Variants in SCAF8 observed in about 807,000 individuals in gnomAD.
The protein encoded by SCAF8 is SR-related CTD associated factor 8.
Under a neutral mutation model 140.5 loss-of-function variants are expected in SCAF8, and 23 were observed. The ratio of observed to expected loss-of-function variants is 0.16; its 90% CI spans 0.12 to 0.23. The LOEUF is 0.23. Ranked by LOEUF, SCAF8 falls within the 10% of genes least tolerant of loss-of-function variation. The probability of loss-of-function intolerance (pLI) is 1.00; values close to 1 mark genes in which losing one functional copy is unlikely to be tolerated. For missense variants in SCAF8, 1,397 were observed against 1,555.7 expected (o/e 0.90, Z 1.72); for synonymous variants, 575 against 528.9 (o/e 1.09, Z -1.20).
intron 2 of SCAF8, among the ~76,000 whole-genome samples, 194 bp from the exon 3 acceptor site, chr6:154,777,807 G>T (rs1776960667): frequency 6.6e-6 from 1 of 152,160 alleles, no homozygotes. Flanking sequence ...ATCTACTTTA[G>T]AGAAGCCCTT....
At position 154,805,490 on chromosome 6, in the gene SCAF8, T is replaced by G; in HGVS notation, c.981+4T>G. On this transcript the variant is annotated splice_donor_region_variant and intron_variant, in intron 9 of 19. Transcript: ENST00000367178. ...GGAGCAGCAACAGCCTCAAAAGGTT[T>G]ATAACCCCATCTTGTGGTCTTTAGA... 5 of 1,537,282 alleles carry G rather than the reference T, an allele frequency of 3.3e-6. No individual in the cohort carries two copies. The highest frequency in any genetic ancestry group is 4.5e-6 in the Non-Finnish European group (5 of 1,114,662).
Position 154,767,657 on chromosome 6 carries a change from A to T in SCAF8, c.31-6332A>T, listed in dbSNP as rs192767345. ...TGGGCTCAAGTGATCCTCACACCTC[A>T]GCCTGTAGTTGGGACTACAGGCGCA... On this transcript the variant is annotated intron_variant, in intron 1 of 19. Transcript: ENST00000367178. Among the ~76,000 whole-genome samples, 93 of 149,288 alleles carry T rather than the reference A, an allele frequency of 6.2e-4. 1 individual carries two copies. The East Asian group carries it at 0.011, about 18-fold the overall frequency.
intron 11 of SCAF8, 83 bp from the exon 12 acceptor site, chr6:154,809,929 GTTA>G: frequency 9.2e-7 from 1 of 1,081,820 alleles, no homozygotes; most frequent in South Asian, 1.4e-5. Context: ...CAACTTTTTT[GTTA>G]TTGTTTTTTC....
In SCAF8 at chr6:154,810,240, T is replaced by C. The variant is rs371258095; in HGVS notation, c.1420+32T>C. 4.1e-6 allele frequency: 6 copies of C among 1,454,226 alleles called. No homozygotes were observed. In the African/African-American group the frequency reaches 8.7e-5, roughly 21 times the overall value. The allele number at this position is 1,454,226 out of a possible 1,614,324, so 90.1% of individuals were successfully genotyped here. On this transcript the variant is annotated intron_variant, in intron 12 of 19. Transcript: ENST00000367178. ...AACATATATCTGCAACGCTTTGGTTTCAATTAATATTTAAAAAATAGTTAT... is the reference window on the plus strand; with the variant it reads ...AACATATATCTGCAACGCTTTGGTTCCAATTAATATTTAAAAAATAGTTAT...
At chr6:154,752,762 C>T (rs1010128327) in intron 1 of SCAF8, among the ~76,000 whole-genome samples, 1 of 152,132 alleles carries the variant, frequency 6.6e-6, no homozygotes, top group African/African-American at 2.4e-5. Flanking sequence ...CACTCTGTCG[C>T]CCAGGCTAGC....
intron 14 of SCAF8, among the ~76,000 whole-genome samples, chr6:154,819,895 G>A (rs1303030817): frequency 6.6e-6 from 1 of 151,846 alleles, no homozygotes; most frequent in Non-Finnish European, 1.5e-5. Flanking sequence ...GGCTAAGGCA[G>A]GAATATCGAT....
intron 6 of SCAF8, among the ~76,000 whole-genome samples, chr6:154,800,711 G>A (rs940840782): frequency 9.3e-5 from 14 of 151,184 alleles, no homozygotes; most frequent in African/African-American, 3.4e-4. Context: ...AAAACATGGG[G>A]CCATTCTAGA....
chr6:154,765,104 C>G lies in SCAF8; in HGVS notation c.31-8885C>G, dbSNP rs55786176. ...ATTATTTAAGGAAGTTTATTAAAAGCTTCTAATGGGCCAGCATCATCATCA... is the reference window on the plus strand; with the variant it reads ...ATTATTTAAGGAAGTTTATTAAAAGGTTCTAATGGGCCAGCATCATCATCA... On this transcript the variant is annotated intron_variant, in intron 1 of 19. Coordinates refer to ENST00000367178, the MANE Select transcript of SCAF8 (RefSeq NM_014892.5). Among the ~76,000 whole-genome samples the G allele has an allele frequency of 4.0e-3, 608 of 152,226 alleles. 5 individuals carry two copies. Among genetic ancestry groups the G allele is most frequent in the South Asian group, 0.021 (103 of 4,828 alleles).
intron 1 of SCAF8, among the ~76,000 whole-genome samples, chr6:154,763,630 A>T (rs1426338269): frequency 6.6e-6 from 1 of 152,172 alleles, no homozygotes; most frequent in Admixed American, 6.5e-5. Flanking sequence ...AACAAGCATG[A>T]AGGTACAACA....
intron 4 of SCAF8, among the ~76,000 whole-genome samples, chr6:154,789,687 A>G (rs966084556): frequency 1.3e-5 from 2 of 151,802 alleles, no homozygotes; most frequent in African/African-American, 4.8e-5. Context: ...CTGGGACTAC[A>G]GGCTTATGCC....
chr6:154,764,074 C>T (rs796877530), intron 1 of SCAF8, among the ~76,000 whole-genome samples: 13 of 152,124 alleles, frequency 8.5e-5, no homozygotes, highest in African/African-American at 2.2e-4. Context: ...CCTTAAACCT[C>T]GAGGAATTAG....
chr6:154,751,943 AACTC>A (rs1464393479), intron 1 of SCAF8, among the ~76,000 whole-genome samples: 3 of 152,192 alleles, frequency 2.0e-5, no homozygotes, highest in Non-Finnish European at 2.9e-5. Context: ...GTTCTCCAGC[AACTC>A]ACTCTGCAGA....
intron 1 of SCAF8, among the ~76,000 whole-genome samples, chr6:154,734,462 A>G (rs1259153645): frequency 1.3e-5 from 2 of 152,180 alleles, no homozygotes; most frequent in African/African-American, 4.8e-5. Context: ...TTTGCCAGCT[A>G]GGGACTTGAG....
chr6:154,795,065 T>C lies in SCAF8; in HGVS notation c.532T>C (p.Trp178Arg). Reference sequence around the variant, plus strand: ...TGTGGTCCAAGGCTTACCTGATCCGTGGGTATCTCAGATAACAAATACAGA... The same window carrying C: ...TGTGGTCCAAGGCTTACCTGATCCGCGGGTATCTCAGATAACAAATACAGA... ...ANVVQGLPDP[W>R]VSQITNTDTL... The change falls in exon 6 of 20, where the codon TGG becomes CGG. Residue 178 changes from tryptophan (W) to arginine (R), a missense_variant. Coordinates refer to ENST00000367178, the MANE Select transcript of SCAF8 (RefSeq NM_014892.5). 6.2e-7 allele frequency: 1 copy of C among 1,613,618 alleles called. No individual in the cohort carries two copies. Among genetic ancestry groups the C allele is most frequent in the African/African-American group, 1.3e-5 (1 of 75,000 alleles).
Position 154,733,759 on chromosome 6 carries a change from C to G in SCAF8, c.-142C>G. On this transcript the variant is annotated 5_prime_UTR_variant, in exon 1 of 20. Transcript: ENST00000367178. Reference sequence around the variant, plus strand: ...CCCCGCCAGCGCGTGCCCTTCCACTCCGCCCCGAGGTCGCAGCGGCCCGCT... The same window carrying G: ...CCCCGCCAGCGCGTGCCCTTCCACTGCGCCCCGAGGTCGCAGCGGCCCGCT... The G allele has an allele frequency of 5.9e-6, 8 of 1,358,220 alleles. No individual in the cohort carries two copies. Among genetic ancestry groups the G allele is most frequent in the Non-Finnish European group, 7.5e-6 (8 of 1,060,452 alleles). 84.1% of individuals were successfully genotyped at this position (1,358,220 alleles called of 1,614,324 possible). A position where few individuals can be genotyped will look rare whatever the true frequency, so the allele number is the denominator to read the frequency against.
At chr6:154,790,712 A>G (rs998956598) in intron 4 of SCAF8, among the ~76,000 whole-genome samples, 35 of 151,858 alleles carry the variant, frequency 2.3e-4, no homozygotes, top group Admixed American at 1.4e-3. Context: ...GGGTTTCACC[A>G]TGTTAGCCAA....
At chr6:154,745,752 A>G (rs1031433750) in intron 1 of SCAF8, among the ~76,000 whole-genome samples, 1 of 152,086 alleles carries the variant, frequency 6.6e-6, no homozygotes, top group African/African-American at 2.4e-5. Context: ...ATCAGAACTA[A>G]TGGTGATTGC....
chr6:154,833,145 C>T lies in SCAF8; in HGVS notation c.3566C>T (p.Pro1189Leu), dbSNP rs748447356. 6.2e-7 allele frequency: 1 copy of T among 1,614,020 alleles called. No homozygotes were observed. The highest frequency in any genetic ancestry group is 8.5e-7 in the Non-Finnish European group (1 of 1,179,984). ...GACAGAATTCAAAACACTTGGGTTC[C>T]CCCTCCTCATGCTCGGGTTTTTGAT... ...GRDRIQNTWV[P>L]PPHARVFDYF... Residue 1189 changes from proline to leucine, a missense_variant, in exon 20 of 20, where the codon CCC becomes CTC. By Grantham distance (98) the Pro-to-Leu change is moderately conservative (BLOSUM62 -3). Transcript: ENST00000367178.
chr6:154,831,823 T>C (rs1490569033), intron 19 of SCAF8, 116 bp from the exon 20 acceptor site: 2 of 751,218 alleles, frequency 2.7e-6, no homozygotes, highest in Non-Finnish European at 4.2e-6. Context: ...TAAAAAGATG[T>C]CATGTAGTAG....
Sources: gnomAD v4.1 joint callset for allele counts (sites outside exome capture counted in the v4.1 genomes callset) on GRCh38, gnomAD v4.1.1 for gene constraint, MANE v1.5 for transcripts, NCBI Gene and HGNC (gene_info 2026-07-23, HGNC 2026-07-21) for gene names.